FGF12: variants seen among roughly 807,000 people sequenced by gnomAD.
The protein encoded by FGF12 is fibroblast growth factor 12, also known as fibroblast growth factor 12B.
A neutral mutation model predicts 23.6 loss-of-function variants in FGF12; 14 were observed. The ratio of observed to expected loss-of-function variants is 0.59; its 90% confidence interval spans 0.39 to 0.93. The LOEUF is 0.93. FGF12 is among the 40% of genes least tolerant of loss of function. FGF12 has a pLI of 0.00. For missense variants in FGF12, 175 were observed against 217.8 expected (o/e 0.80, Z 1.24); for synonymous variants, 62 against 77.3 (o/e 0.80, Z 1.04).
intron 4 of FGF12, among the ~76,000 whole-genome samples, chr3:192,183,962 C>A (rs1716317626): frequency 6.6e-6 from 1 of 152,130 alleles, no homozygotes; most frequent in African/African-American, 2.4e-5. Context: ...GTGGCTCACA[C>A]CTGTAATGCC....
chr3:192,629,757 T>G (rs1194847852), intron 2 of FGF12, among the ~76,000 whole-genome samples: 1 of 152,182 alleles, frequency 6.6e-6, no homozygotes, highest in Non-Finnish European at 1.5e-5. Flanking sequence ...GACTTCACGG[T>G]CTCTAAGGTA....
At chr3:192,150,777 T>G (rs61550734) in intron 5 of FGF12, among the ~76,000 whole-genome samples, 19,850 of 142,382 alleles carry the variant, frequency 0.14, 1,383 homozygotes, top group Middle Eastern at 0.17. Flanking sequence ...TCTTTTGGCT[T>G]AGGATTGACT....
chr3:192,629,988 C>T (rs960449400), intron 2 of FGF12, among the ~76,000 whole-genome samples: 3 of 152,148 alleles, frequency 2.0e-5, no homozygotes, highest in African/African-American at 4.8e-5. Flanking sequence ...CTGGAATCCC[C>T]GGTATCAGAA....
rs1211243309 is a variant in FGF12, at chr3:192,167,767, A to T, written c.427+2691T>A. Among the ~76,000 whole-genome samples the T allele has an allele frequency of 4.2e-3, 124 of 29,332 alleles. 12 individuals are homozygous for T. The highest frequency in any genetic ancestry group is 0.01 in the African/African-American group (71 of 6,786). 19.2% of individuals were successfully genotyped at this position (29,332 alleles called of 152,430 possible). ...TATATATATATATATATATATATATATAAAATTTTTTTTTTTTTTTTTTTT... is the reference window on the plus strand; with the variant it reads ...TATATATATATATATATATATATATTTAAAATTTTTTTTTTTTTTTTTTTT... On this transcript the variant is annotated intron_variant, in intron 5 of 5. Transcript: ENST00000445105.
At chr3:192,580,450 G>C (rs989593772) in intron 2 of FGF12, among the ~76,000 whole-genome samples, 1 of 152,088 alleles carries the variant, frequency 6.6e-6, no homozygotes, top group South Asian at 2.1e-4. Flanking sequence ...GAACTGTGGA[G>C]CAGCTTGCTA....
intron 2 of FGF12, among the ~76,000 whole-genome samples, chr3:192,584,931 CT>C (rs1713310400): frequency 5.3e-5 from 8 of 152,112 alleles, no homozygotes; most frequent in Admixed American, 5.2e-4. Flanking sequence ...GATATGACAT[CT>C]GCTTTTCAAT....
At chr3:192,387,854 T>A (rs113326868) in intron 2 of FGF12, among the ~76,000 whole-genome samples, 1 of 152,018 alleles carries the variant, frequency 6.6e-6, no homozygotes, top group African/African-American at 2.4e-5. Context: ...GCCACTGCAC[T>A]CCAGCCTGGG....
At chr3:192,493,820 C>G (rs561061769) in intron 2 of FGF12, among the ~76,000 whole-genome samples, 2 of 152,208 alleles carry the variant, frequency 1.3e-5, no homozygotes, top group Non-Finnish European at 2.9e-5. Context: ...AAAAACCACC[C>G]CCGTGATCCA....
At chr3:192,278,440 G>A (rs568444093) in intron 4 of FGF12, among the ~76,000 whole-genome samples, 1 of 152,068 alleles carries the variant, frequency 6.6e-6, no homozygotes, top group South Asian at 2.1e-4. Context: ...GTACACCAAC[G>A]TCAAAATATA....
intron 2 of FGF12, among the ~76,000 whole-genome samples, chr3:192,640,085 G>A (rs1442503834): frequency 1.3e-5 from 2 of 152,076 alleles, no homozygotes; most frequent in Non-Finnish European, 2.9e-5. Flanking sequence ...ATGGGGGAAG[G>A]AAATGGGGGA....
At chr3:192,698,141 A>G (rs1718182706) in intron 2 of FGF12, among the ~76,000 whole-genome samples, 1 of 152,196 alleles carries the variant, frequency 6.6e-6, no homozygotes, top group African/African-American at 2.4e-5. Flanking sequence ...TGCTTAGCAC[A>G]CAATAAGTCT....
chr3:192,183,136 G>C (rs1050494539), intron 4 of FGF12, among the ~76,000 whole-genome samples: 3 of 152,174 alleles, frequency 2.0e-5, no homozygotes, highest in African/African-American at 7.2e-5. Flanking sequence ...AGATATTGAT[G>C]TGAGTACAGC....
intron 4 of FGF12, among the ~76,000 whole-genome samples, chr3:192,289,805 G>A (rs986854958): frequency 6.6e-6 from 1 of 152,094 alleles, no homozygotes; most frequent in African/African-American, 2.4e-5. Flanking sequence ...CTCTTTATCA[G>A]GGGAATAAGT....
intron 2 of FGF12, among the ~76,000 whole-genome samples, chr3:192,410,158 G>A (rs1475679549): frequency 6.6e-6 from 1 of 152,078 alleles, no homozygotes; most frequent in African/African-American, 2.4e-5. Context: ...CGCCCAGGTG[G>A]GGCCGAGCTG....
At chr3:192,459,880 T>A (rs1722810557) in intron 2 of FGF12, among the ~76,000 whole-genome samples, 1 of 151,868 alleles carries the variant, frequency 6.6e-6, no homozygotes, top group Non-Finnish European at 1.5e-5. Context: ...CGTGTGTGTG[T>A]GAGAGGGAGA....
At chr3:192,247,823 A>G (rs1711724660) in intron 4 of FGF12, among the ~76,000 whole-genome samples, 1 of 152,172 alleles carries the variant, frequency 6.6e-6, no homozygotes, top group Admixed American at 6.5e-5. Flanking sequence ...TTTACCAATA[A>G]TAAGGGATAT....
At chr3:192,328,766 C>A (rs1188780167) in intron 4 of FGF12, among the ~76,000 whole-genome samples, 1 of 152,146 alleles carries the variant, frequency 6.6e-6, no homozygotes, top group African/African-American at 2.4e-5. Flanking sequence ...CTTATGACAG[C>A]TAACTAATTA....
intron 2 of FGF12, among the ~76,000 whole-genome samples, chr3:192,382,285 C>T (rs905235337): frequency 1.3e-5 from 2 of 152,112 alleles, no homozygotes; most frequent in Non-Finnish European, 2.9e-5. Context: ...TGAGCCACCG[C>T]GCCCGGCCTA....
At chr3:192,383,964 C>A (rs999712104) in intron 2 of FGF12, among the ~76,000 whole-genome samples, 6 of 152,122 alleles carry the variant, frequency 3.9e-5, no homozygotes, top group Admixed American at 6.5e-5. Flanking sequence ...AGGACTCAGC[C>A]TTGGATCTCT....
Sources: gnomAD v4.1 joint callset for allele counts (sites outside exome capture counted in the v4.1 genomes callset) on GRCh38, gnomAD v4.1.1 for gene constraint, MANE v1.5 for transcripts, NCBI Gene and HGNC (gene_info 2026-07-23, HGNC 2026-07-21) for gene names.